BRWD1: variants seen among roughly 807,000 people sequenced by gnomAD.
The protein encoded by BRWD1 is bromodomain and WD repeat-containing protein 1.
In BRWD1, 82 loss-of-function variants were observed where a neutral mutation model predicts 251.2. The observed-to-expected ratio is 0.33, with a 90% CI of 0.27 to 0.39. The LOEUF (loss-of-function observed/expected upper bound fraction) is 0.39. Among genes scored for constraint, BRWD1 ranks in the 10% least tolerant of loss-of-function variants. The probability of loss-of-function intolerance (pLI) is 1.00; values close to 1 mark genes in which losing one functional copy is unlikely to be tolerated. For synonymous variants in BRWD1, 918 were observed against 902.8 expected, an observed-to-expected ratio of 1.02 and a Z score of -0.30; for missense variants, 2,233 against 2,711.6, an observed-to-expected ratio of 0.82 and a Z score of 3.92.
rs1223299571 is a variant in BRWD1 at position 39,195,743 on chromosome 21, A to G, written c.*516T>C. Reference sequence around the variant, plus strand: ...ATTCTACTCAAGTAGCCAGGGGAAGAAAAAAAAAAAAGTGGTAGGTACCTC... The same window carrying G: ...ATTCTACTCAAGTAGCCAGGGGAAGGAAAAAAAAAAAGTGGTAGGTACCTC... On this transcript the variant is annotated 3_prime_UTR_variant, in exon 41 of 41. Coordinates refer to ENST00000342449, the MANE Select transcript of BRWD1 (RefSeq NM_033656.4). The G allele has an allele frequency of 4.2e-5, 5 of 120,290 alleles. No homozygotes were observed. The highest frequency in any genetic ancestry group is 5.3e-5 in the Non-Finnish European group (5 of 94,938). 7.5% of individuals were successfully genotyped at this position (120,290 alleles called of 1,614,324 possible).
At chr21:39,278,039 G>A (rs117858213) in intron 10 of BRWD1, among the ~76,000 whole-genome samples, 1 of 151,946 alleles carries the variant, frequency 6.6e-6, no homozygotes, top group African/African-American at 2.4e-5. Context: ...TTTAGAGATG[G>A]GTTCTCCCTA....
intron 4 of BRWD1, among the ~76,000 whole-genome samples, chr21:39,301,135 C>T (rs1010502905): frequency 4.0e-5 from 6 of 150,070 alleles, no homozygotes; most frequent in South Asian, 2.1e-4. Context: ...GCCAAGATGG[C>T]GCCACTGCAC....
At chr21:39,228,380 T>A (rs2033469139) in intron 27 of BRWD1, 120 bp downstream of exon 27, 9 of 668,682 alleles carry the variant, frequency 1.3e-5, no homozygotes, top group Non-Finnish European at 2.1e-5. Flanking sequence ...GTCACTTATA[T>A]CTCTTCTGGA....
At chr21:39,201,642 T>C (rs2032113852) in intron 38 of BRWD1, among the ~76,000 whole-genome samples, 1 of 152,214 alleles carries the variant, frequency 6.6e-6, no homozygotes, top group Non-Finnish European at 1.5e-5. Context: ...TGATTGGACA[T>C]TCCATGCTAT....
In BRWD1 at chr21:39,198,982, A is replaced by C; in HGVS notation, c.5434T>G (p.Phe1812Val). The stretch of plus-strand genomic sequence containing the variant: ...CTCAGAATCTTGGTTTTTTTAAAGA[A>C]ACTCGCATTCTTGTGAAATGTATTG... ...KYNTFHKNAS[F>V]FKKTKILSDS... Residue 1812 changes from phenylalanine (F) to valine (V), a missense_variant, in exon 40 of 41, where the codon TTC becomes GTC. By Grantham distance (50) the Phe-to-Val change is conservative. Coordinates refer to ENST00000342449, the MANE Select transcript of BRWD1 (RefSeq NM_033656.4). The C allele has an allele frequency of 6.2e-7, 1 of 1,614,050 alleles. No homozygotes were observed. Among genetic ancestry groups the C allele is most frequent in the Non-Finnish European group, 8.5e-7 (1 of 1,180,008 alleles).
At chr21:39,295,710 T>C (rs1054764364) in intron 7 of BRWD1, 33 bp downstream of exon 7, 5 of 1,504,760 alleles carry the variant, frequency 3.3e-6, no homozygotes, top group Non-Finnish European at 4.5e-6. Flanking sequence ...GTACTCTAGA[T>C]GACATCAAAT....
chr21:39,236,124 AG>A (rs1228966976), intron 23 of BRWD1: 1 of 155,680 alleles, frequency 6.4e-6, no homozygotes, highest in African/African-American at 2.4e-5. Context: ...CAGTCATGGC[AG>A]TTCCATCTCC....
chr21:39,294,395 C>T (rs1447597985), intron 7 of BRWD1, among the ~76,000 whole-genome samples: 2 of 152,178 alleles, frequency 1.3e-5, no homozygotes, highest in South Asian at 2.1e-4. Flanking sequence ...CAGTGGCTCA[C>T]GCCTGTAATC....
Position 39,197,285 on chromosome 21 carries a change from A to C in BRWD1, c.5784T>G (p.Thr1928=), listed in dbSNP as rs1156417548. The change falls in exon 41 of 41, where the codon ACT becomes ACG. Residue 1928 remains threonine, a synonymous_variant. Transcript: ENST00000342449. ...TGGCAGCCGTAGCTGCACATCTTCGAGTAATCCTCAGGAGACCTGTTCTGG... is the reference window on the plus strand; with the variant it reads ...TGGCAGCCGTAGCTGCACATCTTCGCGTAATCCTCAGGAGACCTGTTCTGG... ...SKARTGLLRI[T]RRCAATAANK... 6.2e-7 allele frequency: 1 copy of C among 1,613,930 alleles called. No homozygotes were observed. The highest frequency in any genetic ancestry group is 1.3e-5 in the African/African-American group (1 of 74,902).
intron 21 of BRWD1, among the ~76,000 whole-genome samples, chr21:39,245,567 T>G (rs1274083996): frequency 6.6e-6 from 1 of 151,750 alleles, no homozygotes; most frequent in African/African-American, 2.4e-5. Context: ...GTCAGGAAAT[T>G]TTAACACTGT....
At position 39,215,321 on chromosome 21, in the gene BRWD1, T is replaced by C. The variant is rs1383125706; in HGVS notation, c.3701A>G (p.His1234Arg). 1.2e-6 allele frequency: 2 copies of C among 1,613,436 alleles called. No homozygotes were observed. Among genetic ancestry groups the C allele is most frequent in the African/African-American group, 1.3e-5 (1 of 74,910 alleles). ...ALVWEVRYIE[H>R]NARTFNEPES... is the part of the protein sequence containing the mutation. ...AGGTTCGTTAAATGTTCTGGCATTA[T>C]GTTCTATATATCTGACTTCCCAAAC... Residue 1234 changes from histidine (H) to arginine (R), a missense_variant, in exon 32 of 41, where the codon CAT becomes CGT. Physicochemically the swap from His to Arg is conservative, Grantham distance 29. This residue lies in a region of BRWD1 where 167 missense variants were observed against 183.2 expected (regional missense o/e 0.91). Coordinates refer to ENST00000342449, the MANE Select transcript of BRWD1 (RefSeq NM_033656.4).
At chr21:39,241,061 C>A (rs2033974470) in intron 21 of BRWD1, among the ~76,000 whole-genome samples, 1 of 151,022 alleles carries the variant, frequency 6.6e-6, no homozygotes, top group East Asian at 2.0e-4. Flanking sequence ...CCACCACGCC[C>A]AGCTAATTTT....
chr21:39,244,656 C>T (rs1026724208), intron 21 of BRWD1, among the ~76,000 whole-genome samples: 6 of 151,928 alleles, frequency 3.9e-5, no homozygotes, highest in African/African-American at 1.5e-4. Flanking sequence ...TACATACCAC[C>T]CTAGCCTTTC....
rs2034535991 is a variant in BRWD1, at chr21:39,255,523, C to T, written c.2255+122G>A. 2.2e-5 allele frequency: 17 copies of T among 768,184 alleles called. No individual in the cohort carries two copies. In the South Asian group the frequency reaches 3.7e-4, roughly 17 times the overall value. The allele number at this position is 768,184 out of a possible 1,614,324, so 47.6% of individuals were successfully genotyped here. A position where few individuals can be genotyped will look rare whatever the true frequency, so the allele number is the denominator to read the frequency against. ...ACCACAATTAAGATAGTAAGATTCC[C>T]ACTCATTACTAATATATTTATACAA... On this transcript the variant is annotated intron_variant, in intron 19 of 40. Coordinates refer to ENST00000342449, the MANE Select transcript of BRWD1 (RefSeq NM_033656.4).
In BRWD1 at chr21:39,202,328, A is replaced by G; in HGVS notation, c.4582T>C (p.Ser1528Pro). Residue 1528 changes from serine (S) to proline (P), a missense_variant, in exon 38 of 41, where the codon TCT (serine) becomes CCT (proline). Coordinates refer to ENST00000342449, the MANE Select transcript of BRWD1 (RefSeq NM_033656.4). ...NRPITNGSTLSESEVEDSLAT... is the reference protein window; with the variant it reads ...NRPITNGSTLPESEVEDSLAT... ...AACATAGTATTTCACTTCTCACCAG[A>G]TAATGTAGAACCATTTGTTATAGGT... 2 of 1,607,180 alleles carry G rather than the reference A, an allele frequency of 1.2e-6. No homozygotes were observed. Among genetic ancestry groups the G allele is most frequent in the Non-Finnish European group, 1.7e-6 (2 of 1,175,026 alleles).
At position 39,185,878 on chromosome 21, in the gene BRWD1, A is replaced by T. The variant is rs2031203512; in HGVS notation, c.*10381T>A. On this transcript the variant is annotated 3_prime_UTR_variant, in exon 41 of 41. Transcript: ENST00000342449. ...CCAGTAACACGTTACTATGTTAAAA[A>T]GATGCGACAGTATATTCATTTAATC... is the stretch of plus-strand genomic sequence containing the variant. The T allele has an allele frequency of 6.6e-6, 1 of 152,214 alleles. No individual in the cohort carries two copies. The highest frequency in any genetic ancestry group is 2.4e-5 in the African/African-American group (1 of 41,468). 9.4% of individuals were successfully genotyped at this position (152,214 alleles called of 1,614,324 possible). A position where few individuals can be genotyped will look rare whatever the true frequency, so the allele number is the denominator to read the frequency against.
intron 25 of BRWD1, among the ~76,000 whole-genome samples, chr21:39,231,204 A>C (rs1448192870): frequency 6.6e-6 from 1 of 152,190 alleles, no homozygotes; most frequent in Non-Finnish European, 1.5e-5. Flanking sequence ...AAAATAAAAA[A>C]ACACGTGTAC....
At chr21:39,297,673 G>A (rs1433856600) in intron 5 of BRWD1, 1 of 247,302 alleles carries the variant, frequency 4.0e-6, no homozygotes, top group African/African-American at 2.3e-5. Context: ...CTAAGAGGGA[G>A]GGGTGTTCTT....
chr21:39,298,365 T>G (rs1296766229), intron 5 of BRWD1, 67 bp downstream of exon 5: 2 of 1,437,590 alleles, frequency 1.4e-6, no homozygotes, highest in Admixed American at 2.7e-5. Context: ...ATGCTTACAT[T>G]ACTTCACAAT....
Sources: allele counts gnomAD v4.1 joint callset (sites outside exome capture counted in the v4.1 genomes callset), GRCh38; gene constraint gnomAD v4.1.1; regional missense constraint gnomAD v4.1.1; transcripts MANE v1.5; gene names NCBI Gene and HGNC (gene_info 2026-07-23, HGNC 2026-07-21).